ZNF655: variants seen among roughly 807,000 people sequenced by gnomAD.
The protein encoded by ZNF655 is Vav-interacting Kruppel-like protein 1.
In ZNF655, 3 loss-of-function variants were observed where a neutral mutation model predicts 6.6. That is an observed-to-expected ratio of 0.46 (90% CI 0.21 to 1.18). The LOEUF (loss-of-function observed/expected upper bound fraction) is 1.18. Among genes scored for constraint, ZNF655 ranks in the 50% most tolerant of loss-of-function variants. The pLI is 0.24. For missense variants in ZNF655, 526 were observed against 572.3 expected, an observed-to-expected ratio of 0.92 and a Z score of 0.83; for synonymous variants, 178 against 195.0, an observed-to-expected ratio of 0.91 and a Z score of 0.73.
intron 2 of ZNF655, among the ~76,000 whole-genome samples, chr7:99,567,002 C>T (rs1803685929): frequency 6.6e-6 from 1 of 152,092 alleles, no homozygotes; most frequent in African/African-American, 2.4e-5. Flanking sequence ...TCACTGCAAC[C>T]TCCGCCTCTC....
Position 99,574,183 on chromosome 7 carries a change from A to G in ZNF655, c.*599A>G, listed in dbSNP as rs1428026132. ...TAGACAAGAATTTGATGTAACGCAAATGGAAAAACTCGACACCACATTTCA... is the reference window on the plus strand; with the variant it reads ...TAGACAAGAATTTGATGTAACGCAAGTGGAAAAACTCGACACCACATTTCA... On this transcript the variant is annotated 3_prime_UTR_variant, in exon 3 of 3. Coordinates refer to ENST00000252713, the MANE Select transcript of ZNF655 (RefSeq NM_138494.3). 1.3e-5 allele frequency: 2 copies of G among 152,266 alleles called. No individual in the cohort carries two copies. The highest frequency in any genetic ancestry group is 2.1e-4 in the South Asian group (1 of 4,834). 9.4% of individuals were successfully genotyped at this position (152,266 alleles called of 1,614,324 possible). A position where few individuals can be genotyped will look rare whatever the true frequency, so the allele number is the denominator to read the frequency against.
intron 2 of ZNF655, among the ~76,000 whole-genome samples, chr7:99,566,767 A>AG: frequency 6.6e-6 from 1 of 152,252 alleles, no homozygotes; most frequent in East Asian, 1.9e-4. Flanking sequence ...TATGTTACCC[A>AG]GGCTGTTGAA....
intron 2 of ZNF655, chr7:99,563,057 A>T (rs1234446762): frequency 3.3e-6 from 1 of 304,494 alleles, no homozygotes; most frequent in Non-Finnish European, 7.0e-6. Flanking sequence ...CACTGTGAGT[A>T]CATTTCAGTG....
intron 2 of ZNF655, among the ~76,000 whole-genome samples, chr7:99,566,041 G>GTGTGTGTATATA (rs59166250): frequency 6.7e-6 from 1 of 149,898 alleles, no homozygotes; most frequent in African/African-American, 2.5e-5. Flanking sequence ...GTGTGTGTGT[G>GTGTGTGTATATA]TATATATATA....
chr7:99,573,443 C>G lies in ZNF655; in HGVS notation c.1335C>G (p.Phe445Leu), dbSNP rs372713595. Residue 445 changes from phenylalanine (F) to leucine (L), a missense_variant, in exon 3 of 3, where the codon TTC becomes TTG. Coordinates refer to ENST00000252713, the MANE Select transcript of ZNF655 (RefSeq NM_138494.3). ...AATGTAATGAGTATGAGGGCAGTTT[C>G]AGTCATAGCTCAGATCTTATCCTGC... ...SYECNEYEGS[F>L]SHSSDLILQQ... The G allele has an allele frequency of 1.2e-6, 2 of 1,613,950 alleles. No individual in the cohort carries two copies. The highest frequency in any genetic ancestry group is 1.7e-6 in the Non-Finnish European group (2 of 1,180,022).
At chr7:99,563,899 G>A in intron 2 of ZNF655, 2 of 1,613,100 alleles carry the variant, frequency 1.2e-6, no homozygotes, top group African/African-American at 1.3e-5. Flanking sequence ...CGGATTCATA[G>A]TGTGAATTCC....
chr7:99,563,499 G>A (rs1232515048), intron 2 of ZNF655, among the ~76,000 whole-genome samples: 1 of 151,818 alleles, frequency 6.6e-6, no homozygotes, highest in Non-Finnish European at 1.5e-5. Context: ...TGTATTTTTA[G>A]TAGAGACGGG....
In ZNF655 at chr7:99,559,572, A is replaced by T. The variant is rs549943640; in HGVS notation, c.-28+785A>T. 5.9e-5 allele frequency among the ~76,000 whole-genome samples: 9 copies of T among 152,116 alleles called. No homozygotes were observed. In the South Asian group the frequency reaches 1.9e-3, roughly 32 times the overall value. On this transcript the variant is annotated intron_variant, in intron 1 of 2. Coordinates refer to ENST00000252713, the MANE Select transcript of ZNF655 (RefSeq NM_138494.3). ...TAAAATAAAATGAGCAATCATAACT[A>T]GCATTTTTCTCTGGGCACCAACTTG...
chr7:99,571,859 C>T (rs974781292), intron 2 of ZNF655: 5 of 1,122,094 alleles, frequency 4.5e-6, no homozygotes, highest in Non-Finnish European at 3.8e-6. Flanking sequence ...CAAGTTGTAG[C>T]TGCTTTGGCA....
Position 99,574,107 on chromosome 7 carries a change from G to C in ZNF655, c.*523G>C, listed in dbSNP as rs140853616. ...ACTTATTTGGGTGTAGTAAATGGCAGATCTTTCAATAGGAGTTTAACTAGT... is the reference window on the plus strand; with the variant it reads ...ACTTATTTGGGTGTAGTAAATGGCACATCTTTCAATAGGAGTTTAACTAGT... On this transcript the variant is annotated 3_prime_UTR_variant, in exon 3 of 3. Transcript: ENST00000252713. 5.6e-3 allele frequency: 869 copies of C among 153,920 alleles called. 7 individuals carry two copies. The highest frequency in any genetic ancestry group is 9.1e-3 in the Non-Finnish European group (630 of 69,082). The allele number at this position is 153,920 out of a possible 1,614,324, so 9.5% of individuals were successfully genotyped here. A position where few individuals can be genotyped will look rare whatever the true frequency, so the allele number is the denominator to read the frequency against.
chr7:99,573,027 A>G lies in ZNF655; in HGVS notation c.919A>G (p.Ser307Gly), dbSNP rs1442810099. 6.2e-7 allele frequency: 1 copy of G among 1,614,176 alleles called. No homozygotes were observed. The highest frequency in any genetic ancestry group is 8.5e-7 in the Non-Finnish European group (1 of 1,180,004). The change falls in exon 3 of 3, where the codon AGT (serine) becomes GGT (glycine). Residue 307 changes from serine (S) to glycine (G), a missense_variant. Transcript: ENST00000252713. Reference protein sequence around the residue: ...HTRAKSYKCSSCERVFSRSVH... With the variant: ...HTRAKSYKCSGCERVFSRSVH... ...CAGAGCCAAATCTTACAAATGTAGC[A>G]GTTGTGAAAGAGTCTTCAGTCGTAG...
intron 2 of ZNF655, chr7:99,564,228 G>T: frequency 7.4e-7 from 1 of 1,360,128 alleles, no homozygotes; most frequent in South Asian, 1.9e-5. Flanking sequence ...CATGGTTGGT[G>T]GTCATCATCT....
At chr7:99,562,394 T>G in intron 2 of ZNF655, 1 of 1,614,184 alleles carries the variant, frequency 6.2e-7, no homozygotes, top group South Asian at 1.1e-5. Flanking sequence ...AGGATGTGGC[T>G]GTGCACCTTA....
chr7:99,564,249 TGAA>T, intron 2 of ZNF655: 1 of 1,346,654 alleles, frequency 7.4e-7, no homozygotes, highest in Non-Finnish European at 9.5e-7. Flanking sequence ...ACTTGTATTG[TGAA>T]AAACCAGAAA....
At chr7:99,565,907 C>T (rs1335956295) in intron 2 of ZNF655, among the ~76,000 whole-genome samples, 8 of 152,070 alleles carry the variant, frequency 5.3e-5, no homozygotes, top group Non-Finnish European at 1.0e-4. Context: ...TTTCCATTGT[C>T]ACAGCTATTT....
rs751440679 is a variant in ZNF655, at chr7:99,572,481, A to C, written c.373A>C (p.Ser125Arg). 1.9e-6 allele frequency: 3 copies of C among 1,614,042 alleles called. No individual in the cohort carries two copies. The highest frequency in any genetic ancestry group is 1.3e-5 in the African/African-American group (1 of 75,064). The change falls in exon 3 of 3, where the codon AGT becomes CGT. Residue 125 changes from serine (S) to arginine (R), a missense_variant. Physicochemically the swap from Ser to Arg is moderately radical, Grantham distance 110. Coordinates refer to ENST00000252713, the MANE Select transcript of ZNF655 (RefSeq NM_138494.3). ...AACAATCAGCAAGGAAACCTTCACC[A>C]GTGAGAAGAACAATGAATGTCATGA... ...QITISKETFT[S>R]EKNNECHEPE...
At chr7:99,560,827 AG>A in intron 2 of ZNF655, 132 bp downstream of exon 2, 1 of 1,171,096 alleles carries the variant, frequency 8.5e-7, no homozygotes, top group Non-Finnish European at 1.2e-6. Context: ...GGAATGAAAG[AG>A]GGGGCAGATG....
chr7:99,561,944 G>A (rs1315355873), intron 2 of ZNF655: 1 of 1,596,658 alleles, frequency 6.3e-7, no homozygotes, highest in South Asian at 1.1e-5. Flanking sequence ...AGGAGACCAG[G>A]CAGCTGCGCT....
At position 99,573,493 on chromosome 7, in the gene ZNF655, A is replaced by C; in HGVS notation, c.1385A>C (p.Lys462Thr). ...CAACAAGAAGTCCTCACCAGACAGAAAGCCTTTGATTGTGATGTATGGGAA... is the reference window on the plus strand; with the variant it reads ...CAACAAGAAGTCCTCACCAGACAGACAGCCTTTGATTGTGATGTATGGGAA... ...ILQQEVLTRQ[K>T]AFDCDVWEKN... is the part of the protein sequence containing the mutation. The change falls in exon 3 of 3, where the codon AAA (lysine) becomes ACA (threonine). Residue 462 changes from lysine to threonine, a missense_variant. Coordinates refer to ENST00000252713, the MANE Select transcript of ZNF655 (RefSeq NM_138494.3). 2 of 1,613,154 alleles carry C rather than the reference A, an allele frequency of 1.2e-6. No homozygotes were observed. The highest frequency in any genetic ancestry group is 1.7e-6 in the Non-Finnish European group (2 of 1,180,010).
Sources: gnomAD v4.1 joint callset for allele counts (sites outside exome capture counted in the v4.1 genomes callset) on GRCh38, gnomAD v4.1.1 for gene constraint, MANE v1.5 for transcripts, NCBI Gene and HGNC (gene_info 2026-07-23, HGNC 2026-07-21) for gene names.